The following TEAD1 variants were observed in gnomAD, a reference collection of about 807,000 sequenced individuals.
TEAD1 encodes the protein transcriptional enhancer factor TEF-1.
A neutral mutation model predicts 54.9 loss-of-function variants in TEAD1; 9 were observed. The ratio of observed to expected loss-of-function variants is 0.16; its 90% CI spans 0.10 to 0.29. TEAD1 has a LOEUF of 0.29. Ranked by LOEUF, TEAD1 falls within the 10% of genes least tolerant of loss-of-function variation. TEAD1 has a pLI of 1.00. For missense variants in TEAD1, 387 were observed against 535.9 expected, an observed-to-expected ratio of 0.72 and a Z score of 2.74; for synonymous variants, 200 against 187.8, an observed-to-expected ratio of 1.07 and a Z score of -0.53.
At chr11:12,749,667 C>T (rs1434858886) in intron 2 of TEAD1, among the ~76,000 whole-genome samples, 1 of 152,170 alleles carries the variant, frequency 6.6e-6, no homozygotes, top group East Asian at 1.9e-4. Context: ...TCTGTCCGTA[C>T]CTCTCTTGGA....
chr11:12,909,900 A>C (rs1018549001), intron 10 of TEAD1, among the ~76,000 whole-genome samples: 1 of 152,206 alleles, frequency 6.6e-6, no homozygotes, highest in African/African-American at 2.4e-5. Context: ...GGAGTTTTGG[A>C]ACCAGATTTT....
At chr11:12,900,534 A>C (rs1382766494) in intron 9 of TEAD1, among the ~76,000 whole-genome samples, 1 of 152,222 alleles carries the variant, frequency 6.6e-6, no homozygotes, top group Non-Finnish European at 1.5e-5. Flanking sequence ...AGTGAATGCC[A>C]TCACTGTCCC....
At chr11:12,765,664 A>G (rs1427750555) in intron 3 of TEAD1, among the ~76,000 whole-genome samples, 2 of 152,046 alleles carry the variant, frequency 1.3e-5, no homozygotes, top group Non-Finnish European at 2.9e-5. Context: ...TGGATGATGT[A>G]ATGGAAACAA....
intron 3 of TEAD1, among the ~76,000 whole-genome samples, chr11:12,807,205 A>AT (rs1348167359): frequency 6.6e-6 from 1 of 152,158 alleles, no homozygotes; most frequent in Non-Finnish European, 1.5e-5. Context: ...GAGTATACTG[A>AT]TTTTTTATCC....
At position 12,879,728 on chromosome 11, in the gene TEAD1, G is replaced by T. The variant is rs151205652; in HGVS notation, c.351G>T (p.Lys117Asn). ...TCAAGGATCAGACTGCAAAGGATAA[G>T]GCCCTGCAGCACATGGCGGCCATGT... The change falls in exon 6 of 13, where the codon AAG becomes AAT. Residue 117 changes from lysine to asparagine, a missense_variant. Transcript: ENST00000527636. 1.4e-5 allele frequency: 23 copies of T among 1,614,114 alleles called. No homozygotes were observed. Among genetic ancestry groups the T allele is most frequent in the Non-Finnish European group, 1.9e-5 (22 of 1,180,060 alleles).
intron 2 of TEAD1, among the ~76,000 whole-genome samples, chr11:12,711,238 G>A (rs1943931626): frequency 1.3e-5 from 2 of 152,162 alleles, no homozygotes; most frequent in African/African-American, 4.8e-5. Context: ...GTGGAAGAGA[G>A]GTGGAATGAA....
At chr11:12,827,823 C>T (rs971677343) in intron 3 of TEAD1, among the ~76,000 whole-genome samples, 3 of 152,214 alleles carry the variant, frequency 2.0e-5, no homozygotes, top group African/African-American at 7.2e-5. Context: ...CTTCCCTCTA[C>T]TCATACTCTC....
At chr11:12,727,388 G>A (rs1425200260) in intron 2 of TEAD1, among the ~76,000 whole-genome samples, 1 of 152,176 alleles carries the variant, frequency 6.6e-6, no homozygotes, top group Non-Finnish European at 1.5e-5. Flanking sequence ...TGTGAATCGG[G>A]TCCTGTGGGC....
intron 5 of TEAD1, chr11:12,878,807 A>G (rs1050325753): frequency 8.0e-6 from 7 of 876,768 alleles, no homozygotes; most frequent in Non-Finnish European, 7.9e-6. Flanking sequence ...ACACATATAT[A>G]TATGTTTTTT....
chr11:12,736,137 T>C (rs903147680), intron 2 of TEAD1, among the ~76,000 whole-genome samples: 1 of 152,254 alleles, frequency 6.6e-6, no homozygotes, highest in Non-Finnish European at 1.5e-5. Flanking sequence ...GGCAAGTAGT[T>C]TGCCTCTTGG....
In TEAD1 at chr11:12,713,761, A is replaced by T. The variant is rs1943992499; in HGVS notation, c.-55+38200A>T. Among the ~76,000 whole-genome samples, 6 of 152,144 alleles carry T rather than the reference A, an allele frequency of 3.9e-5. No homozygotes were observed. In the South Asian group the frequency reaches 1.0e-3, roughly 26 times the overall value. Reference sequence around the variant, plus strand: ...AGCAGCGTCTCAGTGACCTCATAGGACCTGGTTGTTCGCCTTTTCCACTCC... The same window carrying T: ...AGCAGCGTCTCAGTGACCTCATAGGTCCTGGTTGTTCGCCTTTTCCACTCC... On this transcript the variant is annotated intron_variant, in intron 2 of 12. Transcript: ENST00000527636.
At chr11:12,783,371 T>G (rs1267126265) in intron 3 of TEAD1, among the ~76,000 whole-genome samples, 1 of 152,118 alleles carries the variant, frequency 6.6e-6, no homozygotes, top group East Asian at 1.9e-4. Flanking sequence ...GGTAAAAGCT[T>G]TGCAGTTGGC....
intron 3 of TEAD1, among the ~76,000 whole-genome samples, chr11:12,799,179 TC>T (rs1333626174): frequency 6.6e-6 from 1 of 152,256 alleles, no homozygotes; most frequent in African/African-American, 2.4e-5. Context: ...TTAGAAAAGT[TC>T]CAGGCGTTTA....
chr11:12,727,410 G>C (rs1944334340), intron 2 of TEAD1, among the ~76,000 whole-genome samples: 2 of 152,144 alleles, frequency 1.3e-5, no homozygotes, highest in Admixed American at 1.3e-4. Context: ...CTGGGGCATA[G>C]TCTGTGGTAG....
intron 3 of TEAD1, among the ~76,000 whole-genome samples, chr11:12,787,289 C>G (rs1213118663): frequency 1.3e-5 from 2 of 152,158 alleles, no homozygotes; most frequent in Non-Finnish European, 2.9e-5. Context: ...TTGCCTTTTT[C>G]TTCCTCATTT....
chr11:12,676,843 G>A (rs7940174), intron 2 of TEAD1, among the ~76,000 whole-genome samples: 1 of 152,054 alleles, frequency 6.6e-6, no homozygotes, highest in Non-Finnish European at 1.5e-5. Context: ...TTTATTTATT[G>A]TTGGTATAAA....
intron 3 of TEAD1, among the ~76,000 whole-genome samples, chr11:12,857,145 G>A (rs112497470): frequency 6.6e-6 from 1 of 152,178 alleles, no homozygotes; most frequent in African/African-American, 2.4e-5. Context: ...GGCAATCCAA[G>A]ATGCAAGAGA....
intron 3 of TEAD1, among the ~76,000 whole-genome samples, chr11:12,850,173 T>C (rs1947243795): frequency 6.6e-6 from 1 of 152,178 alleles, no homozygotes; most frequent in Non-Finnish European, 1.5e-5. Context: ...TGGTGACACA[T>C]GCCTATAATC....
chr11:12,747,303 AATT>A (rs1461067243), intron 2 of TEAD1, among the ~76,000 whole-genome samples: 2 of 152,028 alleles, frequency 1.3e-5, no homozygotes, highest in East Asian at 3.9e-4. Context: ...TATTAGCAGT[AATT>A]ATTATTATTT....
Sources: gnomAD v4.1 joint callset for allele counts (sites outside exome capture counted in the v4.1 genomes callset) on GRCh38, gnomAD v4.1.1 for gene constraint, MANE v1.5 for transcripts, NCBI Gene and HGNC (gene_info 2026-07-23, HGNC 2026-07-21) for gene names.